CHEK1: variants seen among roughly 807,000 people sequenced by gnomAD.
The protein encoded by CHEK1 is checkpoint kinase 1.
Under a neutral mutation model 60.2 loss-of-function variants are expected in CHEK1, and 32 were observed. The observed-to-expected ratio is 0.53, with a 90% CI of 0.40 to 0.71. The LOEUF is 0.71. CHEK1 is among the 30% of genes least tolerant of loss of function. The pLI, the probability that CHEK1 is intolerant of heterozygous loss-of-function variation, is 0.00. For missense variants in CHEK1, 399 were observed against 564.6 expected, an observed-to-expected ratio of 0.71 and a Z score of 2.97; for synonymous variants, 179 against 187.2, an observed-to-expected ratio of 0.96 and a Z score of 0.36.
At chr11:125,643,091 A>T (rs1368602088) in intron 8 of CHEK1, 1 of 152,176 alleles carries the variant, frequency 6.6e-6, no homozygotes, top group African/African-American at 2.4e-5. Flanking sequence ...TGCTATTATC[A>T]TAAATTATTT....
Position 125,643,449 on chromosome 11 carries a change from C to T in CHEK1, c.815-343C>T, listed in dbSNP as rs538040752. 39 of 166,224 alleles carry T rather than the reference C, an allele frequency of 2.3e-4. 1 individual carries two copies. The South Asian group carries it at 5.7e-3, about 24-fold the overall frequency. 10.3% of individuals were successfully genotyped at this position (166,224 alleles called of 1,614,324 possible). On this transcript the variant is annotated intron_variant, in intron 8 of 12. Transcript: ENST00000438015. ...CAGAGCTTGTAGTGAGCCAAGATCG[C>T]GCCACTGCACTCCAGCCTGGGTGAC...
chr11:125,645,964 CAG>C (rs1297375113), intron 11 of CHEK1, among the ~76,000 whole-genome samples: 7 of 152,222 alleles, frequency 4.6e-5, no homozygotes, highest in Admixed American at 2.0e-4. Context: ...CAGGTAGACT[CAG>C]AGATAAAATT....
chr11:125,626,112 C>CT, intron 1 of CHEK1, 100 bp downstream of exon 1: 1 of 645,410 alleles, frequency 1.5e-6, no homozygotes, highest in Non-Finnish European at 2.8e-6. Context: ...TTAGCATTGA[C>CT]TAGCGCAGGG....
chr11:125,629,852 C>G (rs772240126), intron 5 of CHEK1, among the ~76,000 whole-genome samples: 1 of 152,018 alleles, frequency 6.6e-6, no homozygotes, highest in Non-Finnish European at 1.5e-5. Context: ...TCCCGAGTAG[C>G]TAGGACCAAC....
chr11:125,638,611 C>G (rs957049405), intron 8 of CHEK1, among the ~76,000 whole-genome samples: 12 of 152,314 alleles, frequency 7.9e-5, no homozygotes, highest in Middle Eastern at 3.4e-3. Flanking sequence ...ACTGCTTCCT[C>G]TGAAGCGGTA....
chr11:125,641,812 G>A (rs1300767628), intron 8 of CHEK1, among the ~76,000 whole-genome samples: 1 of 145,964 alleles, frequency 6.9e-6, no homozygotes, highest in Non-Finnish European at 1.5e-5. Flanking sequence ...TACCTCTACT[G>A]TTACCCTATC....
intron 13 of CHEK1, among the ~76,000 whole-genome samples, chr11:125,668,847 G>A (rs1250382298): frequency 2.0e-5 from 3 of 152,042 alleles, no homozygotes; most frequent in East Asian, 1.9e-4. Flanking sequence ...ATAAGCCACC[G>A]TCCCCAGCCT....
At chr11:125,627,894 G>T in intron 3 of CHEK1, 64 bp downstream of exon 3, 1 of 1,275,854 alleles carries the variant, frequency 7.8e-7, no homozygotes, top group Non-Finnish European at 1.1e-6. Flanking sequence ...TAAATCTTGG[G>T]CATGCTATTT....
intron 5 of CHEK1, among the ~76,000 whole-genome samples, chr11:125,630,447 A>G (rs569698463): frequency 6.6e-6 from 1 of 151,648 alleles, no homozygotes; most frequent in Non-Finnish European, 1.5e-5. Flanking sequence ...AGTAGCTGGG[A>G]TTACAAGCCT....
chr11:125,650,228 ACT>A (rs1034994157), intron 11 of CHEK1, among the ~76,000 whole-genome samples: 19 of 147,926 alleles, frequency 1.3e-4, no homozygotes, highest in African/African-American at 4.7e-4. Flanking sequence ...CAGTTCTTAG[ACT>A]CTGTTCATTT....
Position 125,629,382 on chromosome 11 carries a change from C to T in CHEK1, c.355-9C>T. 6.2e-7 allele frequency: 1 copy of T among 1,613,354 alleles called. No individual in the cohort carries two copies. The highest frequency in any genetic ancestry group is 8.5e-7 in the Non-Finnish European group (1 of 1,179,416). Reference sequence around the variant, plus strand: ...AATTCTAGTGTGTTTCTCTCTGCATCCCTCTTAGGTTTATCTGCATGGTAT... The same window carrying T: ...AATTCTAGTGTGTTTCTCTCTGCATTCCTCTTAGGTTTATCTGCATGGTAT... On this transcript the variant is annotated splice_polypyrimidine_tract_variant and intron_variant, in intron 4 of 12. Transcript: ENST00000438015.
At chr11:125,678,303 A>T, downstream of CHEK1, 1 of 1,612,626 alleles carries the variant, frequency 6.2e-7, no homozygotes, top group Non-Finnish European at 8.5e-7. Context: ...TGTTCCTGGG[A>T]TGGAGAAGGA....
chr11:125,654,349 G>A (rs1289596289), intron 12 of CHEK1, among the ~76,000 whole-genome samples: 3 of 151,892 alleles, frequency 2.0e-5, no homozygotes, highest in Non-Finnish European at 4.4e-5. Flanking sequence ...AGAAATTTCT[G>A]CTTTTGTGAA....
intron 11 of CHEK1, among the ~76,000 whole-genome samples, chr11:125,648,561 G>A (rs1392238599): frequency 3.4e-5 from 5 of 149,046 alleles, no homozygotes; most frequent in Non-Finnish European, 5.9e-5. Context: ...CAGCCTGGGC[G>A]ACAGATCAAG....
chr11:125,635,133 A>AT (rs1040704704), intron 6 of CHEK1, among the ~76,000 whole-genome samples: 4 of 151,810 alleles, frequency 2.6e-5, no homozygotes, highest in Admixed American at 6.6e-5. Context: ...AATTTTATTT[A>AT]TTTTTTGTAG....
intron 11 of CHEK1, among the ~76,000 whole-genome samples, chr11:125,650,699 A>T (rs868142275): frequency 2.6e-5 from 4 of 151,926 alleles, no homozygotes; most frequent in Middle Eastern, 3.2e-3. Flanking sequence ...GGTGGCTGGG[A>T]TTACAGGTGT....
downstream of CHEK1, among the ~76,000 whole-genome samples, chr11:125,658,150 C>A (rs1381397174): frequency 5.3e-5 from 8 of 152,122 alleles, no homozygotes; most frequent in African/African-American, 9.7e-5. Context: ...CTCACTGCAG[C>A]CTTAGCCTTG....
chr11:125,630,474 C>T (rs1940823368), intron 5 of CHEK1, among the ~76,000 whole-genome samples: 1 of 151,938 alleles, frequency 6.6e-6, no homozygotes, highest in African/African-American at 2.4e-5. Context: ...CCACACCTGG[C>T]TCATTTTTAT....
At position 125,625,835 on chromosome 11, in the gene CHEK1, C is replaced by T. The variant is rs1042922879; in HGVS notation, c.-198C>T. On this transcript the variant is annotated 5_prime_UTR_variant, in exon 1 of 13. Transcript: ENST00000438015. ...GCAAAGCAGCCCTGGGCGGGAGCGGCAACATCTCCACGTCACCCTTTTGGA... is the reference window on the plus strand; with the variant it reads ...GCAAAGCAGCCCTGGGCGGGAGCGGTAACATCTCCACGTCACCCTTTTGGA... 5.7e-6 allele frequency: 4 copies of T among 702,634 alleles called. No homozygotes were observed. Among genetic ancestry groups the T allele is most frequent in the African/African-American group, 5.2e-5 (3 of 57,412 alleles). 43.5% of individuals were successfully genotyped at this position (702,634 alleles called of 1,614,324 possible). A position where few individuals can be genotyped will look rare whatever the true frequency, so the allele number is the denominator to read the frequency against.
Sources: allele counts gnomAD v4.1 joint callset (sites outside exome capture counted in the v4.1 genomes callset), GRCh38; gene constraint gnomAD v4.1.1; transcripts MANE v1.5; gene names NCBI Gene and HGNC (gene_info 2026-07-23, HGNC 2026-07-21).